The following TMEM233 variants were observed in gnomAD, a reference collection of about 807,000 sequenced individuals.
TMEM233 encodes transmembrane protein 233.
TMEM233 carries 6 observed loss-of-function variants against 11.2 expected under a neutral mutation model. The observed-to-expected ratio is 0.54, with a 90% CI of 0.29 to 1.06. TMEM233 has a LOEUF of 1.06. Among genes scored for constraint, TMEM233 ranks in the 50% least tolerant of loss-of-function variants. The pLI, the probability that TMEM233 is intolerant of heterozygous loss-of-function variation, is 0.08. For synonymous variants in TMEM233, 59 were observed against 55.8 expected (o/e 1.06, Z -0.26); for missense variants, 127 against 144.7 (o/e 0.88, Z 0.63).
intron 1 of TMEM233, among the ~76,000 whole-genome samples, chr12:119,600,423 G>A (rs1166362386): frequency 6.6e-6 from 1 of 150,660 alleles, no homozygotes; most frequent in Non-Finnish European, 1.5e-5. Flanking sequence ...CCTTTGAGCT[G>A]GAGCTGAAAA....
intron 1 of TMEM233, among the ~76,000 whole-genome samples, chr12:119,620,243 G>A (rs780692453): frequency 1.3e-5 from 2 of 152,178 alleles, no homozygotes; most frequent in African/African-American, 2.4e-5. Context: ...CCATCAGAAT[G>A]GGGAAACAAT....
At chr12:119,618,522 A>G (rs1954580167) in intron 1 of TMEM233, among the ~76,000 whole-genome samples, 1 of 152,226 alleles carries the variant, frequency 6.6e-6, no homozygotes, top group Non-Finnish European at 1.5e-5. Context: ...CTGCAAAGCC[A>G]CAGGGGTGGA....
intron 2 of TMEM233, 97 bp from the exon 3 acceptor site, chr12:119,640,602 C>A: frequency 7.4e-7 from 1 of 1,346,820 alleles, no homozygotes; most frequent in South Asian, 1.3e-5. Context: ...TAACCAGAGT[C>A]ATCATCATCA....
chr12:119,623,342 G>C (rs565584350), intron 1 of TMEM233, among the ~76,000 whole-genome samples: 16 of 152,118 alleles, frequency 1.1e-4, no homozygotes, highest in Non-Finnish European at 1.9e-4. Context: ...AGCACAATAG[G>C]TCGGTTTGGG....
intron 1 of TMEM233, among the ~76,000 whole-genome samples, chr12:119,621,759 A>G (rs1275241166): frequency 6.6e-6 from 1 of 152,232 alleles, no homozygotes; most frequent in Non-Finnish European, 1.5e-5. Flanking sequence ...TATCATTGTT[A>G]TTTTGTCAAA....
Position 119,614,343 on chromosome 12 carries a change from G to C in TMEM233, c.187-15393G>C, listed in dbSNP as rs181442004. 1.4e-3 allele frequency among the ~76,000 whole-genome samples: 209 copies of C among 152,120 alleles called. 1 individual carries two copies. Among genetic ancestry groups the C allele is most frequent in the Admixed American group, 0.012 (183 of 15,266 alleles). On this transcript the variant is annotated intron_variant, in intron 1 of 2. Transcript: ENST00000426426. ...AATCGCTTGAACGTGGGAAGCGGAG[G>C]CTTCAGTGAGCCGAGATTGCACCAC...
intron 2 of TMEM233, among the ~76,000 whole-genome samples, chr12:119,640,241 G>C (rs968627645): frequency 6.6e-6 from 1 of 152,130 alleles, no homozygotes; most frequent in Non-Finnish European, 1.5e-5. Context: ...TGCAAGCTCC[G>C]CCTCCCGGGT....
At chr12:119,603,222 G>T (rs1311457574) in intron 1 of TMEM233, among the ~76,000 whole-genome samples, 5 of 151,828 alleles carry the variant, frequency 3.3e-5, no homozygotes, top group African/African-American at 1.2e-4. Context: ...AGGGAGCCGA[G>T]ATCACGCCAC....
Position 119,594,657 on chromosome 12 carries a change from T to C in TMEM233, c.186+623T>C, listed in dbSNP as rs1410256361. On this transcript the variant is annotated intron_variant, in intron 1 of 2. Coordinates refer to ENST00000426426, the MANE Select transcript of TMEM233 (RefSeq NM_001136534.3). The surrounding 1 kb of genome is among the most constrained non-coding windows in gnomAD (Gnocchi z 5.6). ...CCGCGCTTTGGCACGGCACGCTCTG[T>C]CCAGGCAACAGTTTCCTCTCGCTTC... 1.3e-5 allele frequency among the ~76,000 whole-genome samples: 2 copies of C among 152,152 alleles called. No homozygotes were observed. The highest frequency in any genetic ancestry group is 2.9e-5 in the Non-Finnish European group (2 of 68,030).
the TMEM233 span, among the ~76,000 whole-genome samples, chr12:119,649,334 A>G: frequency 1.3e-5 from 2 of 152,140 alleles, no homozygotes. Flanking sequence ...AAAGGAGAAG[A>G]GAAAAGAAGA....
chr12:119,631,559 T>C, intron 2 of TMEM233: 1 of 985,402 alleles, frequency 1.0e-6, no homozygotes, highest in Non-Finnish European at 1.2e-6. Context: ...GCAAATTTGA[T>C]GTTGGCCCAT....
downstream of TMEM233, among the ~76,000 whole-genome samples, chr12:119,646,463 T>C (rs1372897435): frequency 6.6e-6 from 1 of 152,222 alleles, no homozygotes; most frequent in Non-Finnish European, 1.5e-5. Context: ...GTCAGAAGTC[T>C]AAAACGGGTC....
intron 1 of TMEM233, among the ~76,000 whole-genome samples, chr12:119,619,995 C>T (rs191294163): frequency 2.0e-5 from 3 of 152,282 alleles, no homozygotes; most frequent in South Asian, 4.1e-4. Flanking sequence ...AGAAGAAATA[C>T]GTAGGATCAA....
intron 1 of TMEM233, among the ~76,000 whole-genome samples, chr12:119,610,565 G>T (rs1181612617): frequency 6.6e-6 from 1 of 152,058 alleles, no homozygotes; most frequent in East Asian, 1.9e-4. Flanking sequence ...GAATCATGGG[G>T]GTGGTTTCCC....
At chr12:119,604,047 T>G (rs1255279624) in intron 1 of TMEM233, among the ~76,000 whole-genome samples, 1 of 152,236 alleles carries the variant, frequency 6.6e-6, no homozygotes, top group Non-Finnish European at 1.5e-5. Context: ...GCAGACCAGT[T>G]GGTCCACGTT....
the TMEM233 span, among the ~76,000 whole-genome samples, chr12:119,650,665 C>T: frequency 5.0e-4 from 75 of 150,082 alleles, 1 homozygote; most frequent in South Asian, 6.2e-3. Context: ...GTTTTTGAGA[C>T]GGAGTCTCGC....
At chr12:119,651,295 T>C in the TMEM233 span, among the ~76,000 whole-genome samples, 2 of 152,236 alleles carry the variant, frequency 1.3e-5, no homozygotes, top group Non-Finnish European at 2.9e-5. Flanking sequence ...CTCAAACTGG[T>C]TTCTCTCATG....
intron 1 of TMEM233, among the ~76,000 whole-genome samples, chr12:119,607,536 G>T (rs937441436): frequency 6.6e-5 from 10 of 151,902 alleles, no homozygotes; most frequent in Middle Eastern, 6.9e-3. Flanking sequence ...TTTCTAGTCT[G>T]AAATGAGCAT....
chr12:119,621,613 C>T (rs1593296869), intron 1 of TMEM233, among the ~76,000 whole-genome samples: 1 of 152,292 alleles, frequency 6.6e-6, no homozygotes, highest in Non-Finnish European at 1.5e-5. Flanking sequence ...CTTCTTTGTG[C>T]CTCAGTTTTC....
Sources: gnomAD v4.1 joint callset for allele counts (sites outside exome capture counted in the v4.1 genomes callset) on GRCh38, gnomAD v4.1.1 for gene constraint, Gnocchi (gnomAD v3.1) non-coding constraint, MANE v1.5 for transcripts, NCBI Gene and HGNC (gene_info 2026-07-23, HGNC 2026-07-21) for gene names.